The following RASGRF1 variants were observed in gnomAD, a reference collection of about 807,000 sequenced individuals.
RASGRF1 encodes the protein Ras protein specific guanine nucleotide releasing factor 1.
Under a neutral mutation model 138.7 loss-of-function variants are expected in RASGRF1, and 40 were observed. The ratio of observed to expected loss-of-function variants is 0.29; its 90% confidence interval spans 0.22 to 0.38. The LOEUF (loss-of-function observed/expected upper bound fraction) is 0.38. RASGRF1 is among the 10% of genes least tolerant of loss of function. RASGRF1 has a pLI of 1.00. For missense variants in RASGRF1, 1,108 were observed against 1,650.4 expected (o/e 0.67, Z 5.69); for synonymous variants, 614 against 663.2 (o/e 0.93, Z 1.14).
At chr15:78,980,791 A>G in intron 23 of RASGRF1, 92 bp from the exon 24 acceptor site, 1 of 939,738 alleles carries the variant, frequency 1.1e-6, no homozygotes, top group Non-Finnish European at 1.6e-6. Flanking sequence ...ATGCTGCCCA[A>G]CAGGGCTCCA....
intron 10 of RASGRF1, among the ~76,000 whole-genome samples, chr15:79,020,893 T>G (rs566791651): frequency 6.6e-6 from 1 of 152,338 alleles, no homozygotes; most frequent in African/African-American, 2.4e-5. Context: ...ATTAAAAGAA[T>G]AAATCAGAAG....
chr15:79,079,667 G>A (rs1281465836), intron 1 of RASGRF1, among the ~76,000 whole-genome samples: 1 of 152,162 alleles, frequency 6.6e-6, no homozygotes, highest in African/African-American at 2.4e-5. Context: ...TAATCCCTCT[G>A]GGAGAATGGA....
intron 21 of RASGRF1, 142 bp from the exon 22 acceptor site, chr15:78,990,415 A>G: frequency 1.6e-6 from 1 of 628,908 alleles, no homozygotes. Flanking sequence ...CCCTGGAAGG[A>G]AGGAACCTTG....
chr15:79,033,581 C>CTTTTTTTTTTTTTTTTTTTTTTTT (rs71148586), intron 6 of RASGRF1, among the ~76,000 whole-genome samples: 4 of 93,954 alleles, frequency 4.3e-5, no homozygotes, highest in East Asian at 3.2e-4. Context: ...TTTTTCTTTT[C>CTTTTTTTTTTTTTTTTTTTTTTTT]TTTTTTTTTT....
At position 79,031,504 on chromosome 15, in the gene RASGRF1, G is replaced by A; in HGVS notation, c.1158C>T (p.Pro386=). The A allele has an allele frequency of 1.2e-6, 2 of 1,610,002 alleles. No homozygotes were observed. Among genetic ancestry groups the A allele is most frequent in the East Asian group, 2.2e-5 (1 of 44,802 alleles). Residue 386 remains proline, a synonymous_variant, in exon 8 of 27, where the codon CCC becomes CCT. Coordinates refer to ENST00000558480, the MANE Select transcript of RASGRF1 (RefSeq NM_001145648.3). ...GCTCATGGAGGGTCAGGATGTACCT[G>A]GGGATCTGCGGGCAGGTGGGAGAGG... ...TFLTYPMFQI[P]RYILTLHELL... is the part of the protein sequence containing the mutation.
intron 16 of RASGRF1, among the ~76,000 whole-genome samples, chr15:79,000,504 G>A (rs1275193253): frequency 6.6e-6 from 1 of 152,106 alleles, no homozygotes; most frequent in South Asian, 2.1e-4. Context: ...TTCAAAAGGT[G>A]GATATAAAGA....
chr15:78,993,962 CG>C (rs2056335723), intron 20 of RASGRF1, among the ~76,000 whole-genome samples: 1 of 152,166 alleles, frequency 6.6e-6, no homozygotes, highest in East Asian at 1.9e-4. Context: ...AGTGAGGCCG[CG>C]GGGCCCTCTC....
intron 22 of RASGRF1, 46 bp from the exon 23 acceptor site, chr15:78,985,250 G>T: frequency 6.7e-7 from 1 of 1,493,390 alleles, no homozygotes; most frequent in Non-Finnish European, 9.2e-7. Flanking sequence ...AGTAAGTATT[G>T]CAAAGATGAT....
rs761568035 is a variant in RASGRF1, at chr15:79,004,082, C to T, written c.2169G>A (p.Ser723=). The T allele has an allele frequency of 6.8e-6, 11 of 1,613,810 alleles. No individual in the cohort carries two copies. Among genetic ancestry groups the T allele is most frequent in the East Asian group, 2.2e-5 (1 of 44,888 alleles). ...TCTTGGTGATGGACAGAGGTGGCGGCGAGGAGAACTTGCGGGTGGCGCGCG... is the reference window on the plus strand; with the variant it reads ...TCTTGGTGATGGACAGAGGTGGCGGTGAGGAGAACTTGCGGGTGGCGCGCG... ...KSPRATRKFS[S]PPPLSITKTS... The change falls in exon 15 of 27, where the codon TCG becomes TCA. Residue 723 remains serine, a synonymous_variant. Transcript: ENST00000558480.
rs574635616 is a variant in RASGRF1 at position 79,047,415 on chromosome 15, C to T, written c.625-416G>A. 1.0e-3 allele frequency among the ~76,000 whole-genome samples: 152 copies of T among 152,272 alleles called. 2 individuals are homozygous for T. Among genetic ancestry groups the T allele is most frequent in the Non-Finnish European group, 1.8e-3 (125 of 68,024 alleles). On this transcript the variant is annotated intron_variant, in intron 4 of 26. Transcript: ENST00000558480. The stretch of plus-strand genomic sequence containing the variant: ...GCTCTATGTCTCCATAATGGGAGGT[C>T]GCCCGAGGATAAAGGGTTGCAGGGC...
chr15:78,965,936 G>T (rs2055634677), intron 26 of RASGRF1, among the ~76,000 whole-genome samples: 1 of 152,162 alleles, frequency 6.6e-6, no homozygotes, highest in Admixed American at 6.5e-5. Flanking sequence ...TTGAACCCAG[G>T]TGTTCCCTGG....
At position 79,045,251 on chromosome 15, in the gene RASGRF1, A is replaced by G. The variant is rs145735701; in HGVS notation, c.878+1495T>C. ...CCCTGGGCTCCACCCAGACCTACAG[A>G]TGGGCTTGTGTTTGAGAATATGTGA... On this transcript the variant is annotated intron_variant, in intron 5 of 26. Coordinates refer to ENST00000558480, the MANE Select transcript of RASGRF1 (RefSeq NM_001145648.3). 2.3e-3 allele frequency among the ~76,000 whole-genome samples: 347 copies of G among 152,286 alleles called. 2 individuals carry two copies. Among genetic ancestry groups the G allele is most frequent in the African/African-American group, 7.9e-3 (330 of 41,556 alleles).
Position 78,998,794 on chromosome 15 carries a change from C to G in RASGRF1, c.2778G>C (p.Lys926Asn). 1.2e-6 allele frequency: 2 copies of G among 1,614,114 alleles called. No individual in the cohort carries two copies. Among genetic ancestry groups the G allele is most frequent in the African/African-American group, 1.3e-5 (1 of 75,066 alleles). ...TGGCTGCTCTGCGGATCACAAACTC[C>G]TTGTCTCCATTCCTCTGGTCTGGGG... ...GFPPDQRNGD[K>N]EFVIRRAATN... The change falls in exon 18 of 27, where the codon AAG becomes AAC. Residue 926 changes from lysine (K) to asparagine (N), a missense_variant. Lys to Asn is a moderately conservative substitution (Grantham distance 94). This residue lies in a region of RASGRF1 where 686 missense variants were observed against 976.7 expected (regional missense o/e 0.70). Coordinates refer to ENST00000558480, the MANE Select transcript of RASGRF1 (RefSeq NM_001145648.3).
chr15:79,056,079 G>C (rs957756062), intron 3 of RASGRF1, among the ~76,000 whole-genome samples: 1 of 152,182 alleles, frequency 6.6e-6, no homozygotes, highest in Non-Finnish European at 1.5e-5. Context: ...GTCCCCCAGG[G>C]TGAGGCGTTT....
At chr15:79,011,025 C>T (rs1303666285) in intron 13 of RASGRF1, among the ~76,000 whole-genome samples, 1 of 152,108 alleles carries the variant, frequency 6.6e-6, no homozygotes, top group Non-Finnish European at 1.5e-5. Context: ...AAACTCAGCA[C>T]GTTTTGGGAG....
Position 79,064,538 on chromosome 15 carries a change from A to G in RASGRF1, c.277-12T>C. The G allele has an allele frequency of 6.2e-7, 1 of 1,610,694 alleles. No individual in the cohort carries two copies. Among genetic ancestry groups the G allele is most frequent in the Non-Finnish European group, 8.5e-7 (1 of 1,176,914 alleles). On this transcript the variant is annotated splice_polypyrimidine_tract_variant and intron_variant, in intron 1 of 26. Transcript: ENST00000558480. ...ACCGTGAAGTAATGCTGTATCAAGA[A>G]GAAGACATCTCCAATTACCAGAGTG...
chr15:79,009,540 C>T (rs1675637236), intron 13 of RASGRF1, among the ~76,000 whole-genome samples: 1 of 152,134 alleles, frequency 6.6e-6, no homozygotes, highest in African/African-American at 2.4e-5. Flanking sequence ...AAATAGGGAT[C>T]ATCTGACCCC....
chr15:79,078,877 G>A (rs1336968376), intron 1 of RASGRF1, among the ~76,000 whole-genome samples: 1 of 152,274 alleles, frequency 6.6e-6, no homozygotes, highest in Non-Finnish European at 1.5e-5. Context: ...CCCAGGAAGA[G>A]GCCTGCGGCC....
chr15:79,089,974 C>CG (rs2058031847), intron 1 of RASGRF1, among the ~76,000 whole-genome samples: 1 of 152,224 alleles, frequency 6.6e-6, no homozygotes, highest in South Asian at 2.1e-4. Context: ...CCGCCTCCCA[C>CG]GGGGCTCGTC....
Sources: gnomAD v4.1 joint callset for allele counts (sites outside exome capture counted in the v4.1 genomes callset) on GRCh38, gnomAD v4.1.1 for gene constraint, gnomAD v4.1.1 regional missense constraint, MANE v1.5 for transcripts, NCBI Gene and HGNC (gene_info 2026-07-23, HGNC 2026-07-21) for gene names.